PSG3: variants seen among roughly 807,000 people sequenced by gnomAD.
PSG3 encodes the protein pregnancy-specific beta-1-glycoprotein 3.
In PSG3, 61 loss-of-function variants were observed where a neutral mutation model predicts 47.5. The ratio of observed to expected loss-of-function variants is 1.28; its 90% CI spans 1.05 to 1.59. PSG3 has a LOEUF of 1.59. PSG3 is among the 40% of genes most tolerant of loss of function. The pLI, the probability that PSG3 is intolerant of heterozygous loss-of-function variation, is 0.00. For missense variants in PSG3, 756 were observed against 524.0 expected (o/e 1.44, Z -4.32); for synonymous variants, 263 against 198.4 (o/e 1.33, Z -2.74).
chr19:42,732,229 G>T (rs1298545373), intron 3 of PSG3: 12 of 164,838 alleles, frequency 7.3e-5, no homozygotes, highest in East Asian at 1.7e-4. Context: ...TGATTTGGGG[G>T]ATAAAGAACA....
In PSG3 at chr19:42,738,846, G is replaced by A; in HGVS notation, c.308C>T (p.Ser103Phe). The change falls in exon 2 of 7, where the codon TCC becomes TTC. Residue 103 changes from serine (S) to phenylalanine (F), a missense_variant. Ser to Phe is a radical substitution (Grantham distance 155, BLOSUM62 -2). Coordinates refer to ENST00000327495, the MANE Select transcript of PSG3 (RefSeq NM_021016.4). ...ATTCTGGATCAGCAGGGATGCATTGGAATATACTGTTTCTCGTCCACTGTA... is the reference window on the plus strand; with the variant it reads ...ATTCTGGATCAGCAGGGATGCATTGAAATATACTGTTTCTCGTCCACTGTA... ...PAYSGRETVY[S>F]NASLLIQNVT... 1 of 1,614,124 alleles carries A rather than the reference G, an allele frequency of 6.2e-7. No homozygotes were observed. Among genetic ancestry groups the A allele is most frequent in the Non-Finnish European group, 8.5e-7 (1 of 1,180,000 alleles).
At position 42,732,955 on chromosome 19, in the gene PSG3, A is replaced by G. The variant is rs1194783309; in HGVS notation, c.538T>C (p.Trp180Arg). 2 of 1,614,108 alleles carry G rather than the reference A, an allele frequency of 1.2e-6. No homozygotes were observed. The highest frequency in any genetic ancestry group is 1.7e-6 in the Non-Finnish European group (2 of 1,180,024). ...GGGAGGCTCTGACCATTCATCCACC[A>G]CAGGTAGCTTGCGTCCGGAGTCTCA... Reference protein sequence around the residue: ...DPETPDASYLWWMNGQSLPMT... With the variant: ...DPETPDASYLRWMNGQSLPMT... Residue 180 changes from tryptophan (W) to arginine (R), a missense_variant, in exon 3 of 7, where the codon TGG becomes CGG. Physicochemically the swap from Trp to Arg is moderately radical, Grantham distance 101. Transcript: ENST00000327495.
chr19:42,735,981 C>T (rs1013873919), intron 2 of PSG3, among the ~76,000 whole-genome samples: 1 of 152,162 alleles, frequency 6.6e-6, no homozygotes, highest in African/African-American at 2.4e-5. Flanking sequence ...GGCTGGCTGT[C>T]CTCACTCATT....
At chr19:42,736,210 C>T (rs949750995) in intron 2 of PSG3, among the ~76,000 whole-genome samples, 5 of 152,150 alleles carry the variant, frequency 3.3e-5, no homozygotes, top group African/African-American at 1.2e-4. Context: ...GCTCAAATGT[C>T]GTTGGGCCAG....
At position 42,737,611 on chromosome 19, in the gene PSG3, C is replaced by T. The variant is rs569896569; in HGVS notation, c.430+1113G>A. Among the ~76,000 whole-genome samples, 24 of 152,268 alleles carry T rather than the reference C, an allele frequency of 1.6e-4. No homozygotes were observed. In the South Asian group the frequency reaches 4.4e-3, roughly 28 times the overall value. On this transcript the variant is annotated intron_variant, in intron 2 of 6. Coordinates refer to ENST00000327495, the MANE Select transcript of PSG3 (RefSeq NM_021016.4). ...TACAGACTAATCAGTTGACCGTTTG[C>T]TCTCACTCCTCTGAGGTTTGGATGC...
intron 3 of PSG3, among the ~76,000 whole-genome samples, chr19:42,730,937 A>T (rs1008893245): frequency 2.0e-5 from 3 of 152,376 alleles, no homozygotes; most frequent in East Asian, 1.9e-4. Context: ...CTCATGGACC[A>T]TATGTGTTTG....
chr19:42,726,176 A>G (rs1969375249), intron 5 of PSG3, among the ~76,000 whole-genome samples: 1 of 152,204 alleles, frequency 6.6e-6, no homozygotes, highest in African/African-American at 2.4e-5. Flanking sequence ...GAAAAACCCA[A>G]TGCTAACATC....
chr19:42,735,273 G>T (rs1217825752), intron 2 of PSG3, among the ~76,000 whole-genome samples: 3 of 152,032 alleles, frequency 2.0e-5, no homozygotes, highest in Non-Finnish European at 4.4e-5. Context: ...TTCAGTTTTG[G>T]AAGTTTCTAT....
chr19:42,722,313 C>T (rs1196673253), intron 6 of PSG3, among the ~76,000 whole-genome samples: 2 of 152,066 alleles, frequency 1.3e-5, no homozygotes, highest in African/African-American at 2.4e-5. Flanking sequence ...TGCAGTGGTG[C>T]GATCCCAGTT....
chr19:42,736,050 C>G (rs969936777), intron 2 of PSG3, among the ~76,000 whole-genome samples: 1 of 152,176 alleles, frequency 6.6e-6, no homozygotes, highest in South Asian at 2.1e-4. Context: ...AACTTTGAAG[C>G]AAGAATGATA....
At chr19:42,728,213 A>G (rs1054248353) in intron 5 of PSG3, among the ~76,000 whole-genome samples, 1 of 152,220 alleles carries the variant, frequency 6.6e-6, no homozygotes, top group Non-Finnish European at 1.5e-5. Context: ...GTTACACAAC[A>G]CTAAATTGCA....
At chr19:42,739,397 C>T (rs1018970652) in intron 1 of PSG3, 6 of 343,958 alleles carry the variant, frequency 1.7e-5, no homozygotes, top group East Asian at 6.1e-5. Flanking sequence ...AGGTCCTGCT[C>T]ACATCAGGGC....
chr19:42,726,445 C>G (rs1486467341), intron 5 of PSG3, among the ~76,000 whole-genome samples: 1 of 151,934 alleles, frequency 6.6e-6, no homozygotes, highest in Admixed American at 6.6e-5. Context: ...TAATGTTGCA[C>G]AATACAAAAT....
At chr19:42,739,347 C>T in intron 1 of PSG3, 1 of 582,540 alleles carries the variant, frequency 1.7e-6, no homozygotes. Flanking sequence ...TTGGAATCCT[C>T]TTCCCCAGGG....
At position 42,722,056 on chromosome 19, in the gene PSG3, T is replaced by C. The variant is rs1265777032; in HGVS notation, c.*75A>G. 1.2e-5 allele frequency: 5 copies of C among 414,906 alleles called. No individual in the cohort carries two copies. The highest frequency in any genetic ancestry group is 1.8e-5 in the Non-Finnish European group (4 of 226,178). 25.7% of individuals were successfully genotyped at this position (414,906 alleles called of 1,614,324 possible). The stretch of plus-strand genomic sequence containing the variant: ...AAAAGCAATTTTGGACTGTAGCTGA[T>C]GGTAAATACTTTGAGGAAGAATGAA... On this transcript the variant is annotated 3_prime_UTR_variant, in exon 7 of 7. Coordinates refer to ENST00000327495, the MANE Select transcript of PSG3 (RefSeq NM_021016.4).
intron 1 of PSG3, among the ~76,000 whole-genome samples, chr19:42,739,986 A>G (rs1298733301): frequency 7.0e-6 from 1 of 143,820 alleles, no homozygotes; most frequent in Admixed American, 7.1e-5. Flanking sequence ...GGAGTCTTGT[A>G]CTGTCGCCCA....
At chr19:42,724,373 G>A (rs11668763) in intron 5 of PSG3, among the ~76,000 whole-genome samples, 3 of 152,216 alleles carry the variant, frequency 2.0e-5, no homozygotes, top group Admixed American at 6.5e-5. Context: ...TGTTGTGGCA[G>A]TCATGAATGA....
chr19:42,724,004 A>G lies in PSG3; in HGVS notation c.1265T>C (p.Leu422Pro). 1.2e-6 allele frequency: 2 copies of G among 1,612,122 alleles called. No homozygotes were observed. The highest frequency in any genetic ancestry group is 8.5e-7 in the Non-Finnish European group (1 of 1,178,124). The change falls in exon 6 of 7, where the codon CTT (leucine) becomes CCT (proline). Residue 422 changes from leucine (L) to proline (P), a missense_variant. Leu to Pro is a moderately conservative substitution (Grantham distance 98). Transcript: ENST00000327495. ...CTGCTATAATGGATTAAGGCCAGGAAGATGTCCTGTTCCTGAAGGAGCTGT... is the reference window on the plus strand; with the variant it reads ...CTGCTATAATGGATTAAGGCCAGGAGGATGTCCTGTTCCTGAAGGAGCTGT... ...KVSAPSGTGHLPGLNPL is the reference protein window; with the variant it reads ...KVSAPSGTGHPPGLNPL
At chr19:42,735,709 T>G (rs1969552431) in intron 2 of PSG3, among the ~76,000 whole-genome samples, 1 of 152,214 alleles carries the variant, frequency 6.6e-6, no homozygotes, top group Non-Finnish European at 1.5e-5. Flanking sequence ...TTGTTCAGCT[T>G]TTTACTTAGT....
Sources: gnomAD v4.1 joint callset for allele counts (sites outside exome capture counted in the v4.1 genomes callset) on GRCh38, gnomAD v4.1.1 for gene constraint, MANE v1.5 for transcripts, NCBI Gene and HGNC (gene_info 2026-07-23, HGNC 2026-07-21) for gene names.